The following PSMA1 variants were observed in gnomAD, a reference collection of about 807,000 sequenced individuals.
PSMA1 encodes the protein proteasome 20S subunit alpha 1, also known as proteasome subunit alpha type-1.
In PSMA1, 3 loss-of-function variants were observed where a neutral mutation model predicts 38.4. The ratio of observed to expected loss-of-function variants is 0.08; its 90% CI spans 0.04 to 0.20. The LOEUF (loss-of-function observed/expected upper bound fraction) is 0.20, where lower values mean the gene tolerates loss of function less well. Among genes scored for constraint, PSMA1 ranks in the 10% least tolerant of loss-of-function variants. PSMA1 has a pLI of 1.00. For synonymous variants in PSMA1, 101 were observed against 107.1 expected (o/e 0.94, Z 0.35); for missense variants, 227 against 325.3 (o/e 0.70, Z 2.32).
intron 9 of PSMA1, 94 bp from the exon 10 acceptor site, chr11:14,505,342 A>T (rs1851228468): frequency 9.5e-7 from 1 of 1,049,732 alleles, no homozygotes; most frequent in African/African-American, 1.6e-5. Flanking sequence ...AAAATTGAGA[A>T]AAAGGGGTAA....
chr11:14,566,567 T>C (rs184694490), intron 2 of PSMA1, among the ~76,000 whole-genome samples: 5 of 152,304 alleles, frequency 3.3e-5, no homozygotes, highest in South Asian at 4.1e-4. Context: ...AGCTGATCAA[T>C]AGGCTGGACA....
At chr11:14,572,922 G>T (rs1418167311) in intron 2 of PSMA1, among the ~76,000 whole-genome samples, 3 of 152,124 alleles carry the variant, frequency 2.0e-5, no homozygotes, top group African/African-American at 7.2e-5. Flanking sequence ...TAGAAGAAAT[G>T]GATAAAATCC....
chr11:14,608,711 T>C (rs1403904349), intron 2 of PSMA1, among the ~76,000 whole-genome samples: 1 of 147,688 alleles, frequency 6.8e-6, no homozygotes, highest in Non-Finnish European at 1.5e-5. Context: ...TGTTAAAATA[T>C]ATAATTATAT....
At chr11:14,575,297 A>G (rs1209143174) in intron 2 of PSMA1, among the ~76,000 whole-genome samples, 1 of 152,182 alleles carries the variant, frequency 6.6e-6, no homozygotes, top group Non-Finnish European at 1.5e-5. Flanking sequence ...TCTAGGGTAC[A>G]TATGCACAAT....
At chr11:14,610,628 G>A (rs1852698009) in intron 2 of PSMA1, among the ~76,000 whole-genome samples, 1 of 151,996 alleles carries the variant, frequency 6.6e-6, no homozygotes, top group African/African-American at 2.4e-5. Flanking sequence ...TTTTTTCTCT[G>A]CAGGAAAGGG....
intron 2 of PSMA1, among the ~76,000 whole-genome samples, chr11:14,600,812 C>A (rs1337375728): frequency 6.6e-6 from 1 of 152,218 alleles, no homozygotes; most frequent in Non-Finnish European, 1.5e-5. Context: ...AGAAATCACC[C>A]ATCTTCTGCG....
intron 8 of PSMA1, among the ~76,000 whole-genome samples, chr11:14,509,532 C>T (rs1476426465): frequency 1.3e-4 from 19 of 151,360 alleles, no homozygotes; most frequent in African/African-American, 4.6e-4. Flanking sequence ...GCTTTGTCAC[C>T]CAGGCTGGAG....
At chr11:14,596,491 A>C (rs189227007) in intron 2 of PSMA1, among the ~76,000 whole-genome samples, 1 of 152,164 alleles carries the variant, frequency 6.6e-6, no homozygotes, top group Non-Finnish European at 1.5e-5. Flanking sequence ...TAGGTATTTT[A>C]TTCTCTTTGT....
At chr11:14,528,205 G>A (rs536664966) in intron 2 of PSMA1, among the ~76,000 whole-genome samples, 1 of 151,638 alleles carries the variant, frequency 6.6e-6, no homozygotes, top group African/African-American at 2.4e-5. Context: ...AAAACTCAAG[G>A]ATAGAGCCCA....
chr11:14,508,025 T>C (rs907106095), intron 8 of PSMA1, among the ~76,000 whole-genome samples: 1 of 152,182 alleles, frequency 6.6e-6, no homozygotes, highest in African/African-American at 2.4e-5. Flanking sequence ...TTTAAAAAGA[T>C]AATGCAGGCT....
At chr11:14,573,014 C>T (rs913544970) in intron 2 of PSMA1, among the ~76,000 whole-genome samples, 3 of 152,126 alleles carry the variant, frequency 2.0e-5, no homozygotes, top group Non-Finnish European at 2.9e-5. Context: ...GAAACTGAGG[C>T]AATAATTAAT....
chr11:14,633,427 G>T (rs1479387738), intron 1 of PSMA1, among the ~76,000 whole-genome samples: 1 of 151,812 alleles, frequency 6.6e-6, no homozygotes, highest in Non-Finnish European at 1.5e-5. Flanking sequence ...CCTGCTGGGG[G>T]GTGCCTCCCA....
intron 2 of PSMA1, among the ~76,000 whole-genome samples, chr11:14,529,121 C>CAA (rs34346829): frequency 5.4e-4 from 31 of 56,948 alleles, no homozygotes; most frequent in African/African-American, 1.3e-3. Context: ...GACCCTGTCT[C>CAA]AAAAAAAAAA....
chr11:14,524,227 G>A (rs1404851311), upstream of PSMA1, among the ~76,000 whole-genome samples: 4 of 151,596 alleles, frequency 2.6e-5, no homozygotes, highest in Non-Finnish European at 5.9e-5. Context: ...CCAGCTACTC[G>A]AGAGGCTGAG....
intron 2 of PSMA1, among the ~76,000 whole-genome samples, chr11:14,547,495 G>T (rs1392629215): frequency 1.1e-4 from 17 of 152,170 alleles, no homozygotes; most frequent in Admixed American, 1.1e-3. Flanking sequence ...TATAGTTATA[G>T]ATTTCAGGGA....
At chr11:14,624,867 G>A (rs954827267) in intron 1 of PSMA1, among the ~76,000 whole-genome samples, 1 of 152,170 alleles carries the variant, frequency 6.6e-6, no homozygotes, top group African/African-American at 2.4e-5. Flanking sequence ...AGACCCATCA[G>A]GAATGAAGGT....
In PSMA1 at chr11:14,563,177, T is replaced by C. The variant is rs1852029373; in HGVS notation, c.22-44136A>G. On this transcript the variant is annotated intron_variant, in intron 2 of 10. Coordinates refer to the PSMA1 transcript ENST00000418988. Reference sequence around the variant, plus strand: ...TACGCTTTTATTCCTGGCTATTGATTGTAACAACTATTTTACAATCTGTTT... The same window carrying C: ...TACGCTTTTATTCCTGGCTATTGATCGTAACAACTATTTTACAATCTGTTT... Among the ~76,000 whole-genome samples, 3 of 152,220 alleles carry C rather than the reference T, an allele frequency of 2.0e-5. No homozygotes were observed. The South Asian group carries it at 6.2e-4, about 31-fold the overall frequency.
intron 2 of PSMA1, among the ~76,000 whole-genome samples, chr11:14,590,383 T>G (rs1411826747): frequency 6.6e-6 from 1 of 152,230 alleles, no homozygotes; most frequent in African/African-American, 2.4e-5. Flanking sequence ...ACAGGGTTTT[T>G]TTTGTTTGTT....
chr11:14,625,842 C>T (rs547429785), intron 1 of PSMA1, among the ~76,000 whole-genome samples: 10 of 152,288 alleles, frequency 6.6e-5, no homozygotes, highest in East Asian at 1.9e-4. Context: ...GTCACTTGCA[C>T]GTCTAATTCT....
Sources: gnomAD v4.1 joint callset for allele counts (sites outside exome capture counted in the v4.1 genomes callset) on GRCh38, gnomAD v4.1.1 for gene constraint, MANE v1.5 for transcripts, NCBI Gene and HGNC (gene_info 2026-07-23, HGNC 2026-07-21) for gene names.